CNTN4: variants seen among roughly 807,000 people sequenced by gnomAD.
The protein encoded by CNTN4 is contactin 4.
CNTN4 carries 77 observed loss-of-function variants against 122.5 expected under a neutral mutation model. That is an observed-to-expected ratio of 0.63 (90% CI 0.52 to 0.76). CNTN4 has a LOEUF of 0.76. CNTN4 is among the 30% of genes least tolerant of loss of function. The probability of loss-of-function intolerance (pLI) is 0.00; values close to 1 mark genes in which losing one functional copy is unlikely to be tolerated. For missense variants in CNTN4, 1,256 were observed against 1,259.1 expected (o/e 1.00, Z 0.04); for synonymous variants, 512 against 447.0 (o/e 1.15, Z -1.83).
intron 10 of CNTN4, among the ~76,000 whole-genome samples, chr3:2,900,015 C>T (rs1577204663): frequency 6.6e-6 from 1 of 152,296 alleles, no homozygotes; most frequent in Middle Eastern, 3.4e-3. Context: ...GTTTATTTCT[C>T]TCTCACATTA....
chr3:2,748,504 T>C (rs1333998751), intron 6 of CNTN4, among the ~76,000 whole-genome samples: 1 of 152,198 alleles, frequency 6.6e-6, no homozygotes, highest in Admixed American at 6.5e-5. Flanking sequence ...AAATAATTGA[T>C]ATAACATGTT....
At position 2,683,163 on chromosome 3, in the gene CNTN4, C is replaced by T. The variant is rs118082653; in HGVS notation, c.56-53052C>T. ...TACAACAAGAAATGGAATAGAAAGACGATGCTTTGCAGACTTGGGTATAGT... is the reference window on the plus strand; with the variant it reads ...TACAACAAGAAATGGAATAGAAAGATGATGCTTTGCAGACTTGGGTATAGT... On this transcript the variant is annotated intron_variant, in intron 4 of 24. Transcript: ENST00000418658. Among the ~76,000 whole-genome samples the T allele has an allele frequency of 5.5e-4, 83 of 152,092 alleles. 1 individual carries two copies. The East Asian group carries it at 0.016, about 29-fold the overall frequency.
chr3:2,293,933 GCAGTTTTGA>G (rs758508864), intron 2 of CNTN4, among the ~76,000 whole-genome samples: 5 of 152,168 alleles, frequency 3.3e-5, no homozygotes, highest in Non-Finnish European at 7.4e-5. Context: ...CTGGAGGTCA[GCAGTTTTGA>G]CTGGGCTCTG....
Position 2,835,759 on chromosome 3 carries a change from A to C in CNTN4, c.454+16178A>C, listed in dbSNP as rs150914434. Among the ~76,000 whole-genome samples the C allele has an allele frequency of 6.9e-3, 1,052 of 152,330 alleles. 6 individuals carry two copies. The highest frequency in any genetic ancestry group is 0.022 in the East Asian group (113 of 5,194). ...ATCTACACTTGTACAATTTATGAAAAGTATACCCTGAAACAAATTAATAAC... is the reference window on the plus strand; with the variant it reads ...ATCTACACTTGTACAATTTATGAAACGTATACCCTGAAACAAATTAATAAC... On this transcript the variant is annotated intron_variant, in intron 7 of 24. Coordinates refer to ENST00000418658, the MANE Select transcript of CNTN4 (RefSeq NM_175607.3).
intron 13 of CNTN4, among the ~76,000 whole-genome samples, chr3:2,985,912 CTTTT>C (rs762011820): frequency 1.5e-5 from 2 of 129,932 alleles, no homozygotes; most frequent in Non-Finnish European, 1.6e-5. Context: ...TAAGAGAATA[CTTTT>C]TTTTTTTTTT....
At chr3:3,021,843 G>A (rs1207327747) in intron 14 of CNTN4, among the ~76,000 whole-genome samples, 1 of 152,184 alleles carries the variant, frequency 6.6e-6, no homozygotes. Context: ...ACTTTGGGAG[G>A]CCAAGGCGGG....
intron 3 of CNTN4, among the ~76,000 whole-genome samples, chr3:2,368,105 T>G (rs1234918397): frequency 6.8e-6 from 1 of 146,620 alleles, no homozygotes; most frequent in African/African-American, 2.6e-5. Context: ...CGATCTCGGC[T>G]CACTGCAAGC....
chr3:2,106,911 G>A (rs148676578), intron 2 of CNTN4, among the ~76,000 whole-genome samples: 1 of 152,262 alleles, frequency 6.6e-6, no homozygotes, highest in Non-Finnish European at 1.5e-5. Flanking sequence ...GATCTCTAGG[G>A]CAGGGGCAAA....
At chr3:2,301,137 C>G (rs2042501811) in intron 2 of CNTN4, among the ~76,000 whole-genome samples, 1 of 152,166 alleles carries the variant, frequency 6.6e-6, no homozygotes, top group South Asian at 2.1e-4. Flanking sequence ...TGAACAATAG[C>G]TGTACAATAA....
chr3:2,287,791 A>G (rs76045062), intron 2 of CNTN4, among the ~76,000 whole-genome samples: 2,240 of 150,560 alleles, frequency 0.015, 74 homozygotes, highest in African/African-American at 0.052. Flanking sequence ...GAAGAAGAGG[A>G]GGAAGGGGAA....
intron 13 of CNTN4, among the ~76,000 whole-genome samples, chr3:2,947,566 C>T (rs1444762345): frequency 1.3e-5 from 2 of 152,198 alleles, no homozygotes; most frequent in Non-Finnish European, 2.9e-5. Context: ...ATAGTGGAAA[C>T]TCTGTGTTTT....
chr3:2,164,605 A>T (rs2036115757), intron 2 of CNTN4, among the ~76,000 whole-genome samples: 1 of 152,218 alleles, frequency 6.6e-6, no homozygotes, highest in Admixed American at 6.5e-5. Context: ...AGGTAAAGAG[A>T]AAATGTATAC....
chr3:2,574,197 C>CTCAGGAAGGAAGG (rs1559255069), intron 4 of CNTN4, among the ~76,000 whole-genome samples: 2 of 152,162 alleles, frequency 1.3e-5, no homozygotes, highest in African/African-American at 4.8e-5. Context: ...GCCTGGGCAA[C>CTCAGGAAGGAAGG]AAGAGTGAAA....
intron 2 of CNTN4, among the ~76,000 whole-genome samples, chr3:2,315,190 T>C (rs1263732597): frequency 6.8e-6 from 1 of 146,700 alleles, no homozygotes; most frequent in African/African-American, 2.5e-5. Context: ...GTCAATATCA[T>C]TGAGCATAAA....
At chr3:2,916,319 C>G (rs1428222385) in intron 12 of CNTN4, among the ~76,000 whole-genome samples, 1 of 150,516 alleles carries the variant, frequency 6.6e-6, no homozygotes, top group Non-Finnish European at 1.5e-5. Context: ...GAACAAGGGT[C>G]TCTGGTTTTC....
chr3:3,036,002 AT>A (rs1163549272), intron 17 of CNTN4, among the ~76,000 whole-genome samples: 1 of 151,528 alleles, frequency 6.6e-6, no homozygotes, highest in South Asian at 2.1e-4. Context: ...AGCACTTCCT[AT>A]TTTTTAAAAG....
chr3:3,008,913 A>G, intron 14 of CNTN4: 1 of 981,590 alleles, frequency 1.0e-6, no homozygotes, highest in Non-Finnish European at 1.2e-6. Context: ...ACCAAGATCT[A>G]ATAAGCTGTG....
intron 6 of CNTN4, among the ~76,000 whole-genome samples, chr3:2,804,496 G>T (rs747726658): frequency 2.0e-5 from 3 of 152,122 alleles, no homozygotes; most frequent in Non-Finnish European, 2.9e-5. Flanking sequence ...CAGAGGATTC[G>T]ATTTTATGTA....
chr3:2,728,006 C>T (rs1219443396), intron 4 of CNTN4, among the ~76,000 whole-genome samples: 2 of 152,198 alleles, frequency 1.3e-5, no homozygotes, highest in Admixed American at 1.3e-4. Flanking sequence ...AATACTTATT[C>T]AATAGAAACG....
Sources: allele counts gnomAD v4.1 joint callset (sites outside exome capture counted in the v4.1 genomes callset), GRCh38; gene constraint gnomAD v4.1.1; transcripts MANE v1.5; gene names NCBI Gene and HGNC (gene_info 2026-07-23, HGNC 2026-07-21).